The following HIBADH variants were observed in gnomAD, a reference collection of about 807,000 sequenced individuals.
The protein encoded by HIBADH is 3-hydroxyisobutyrate dehydrogenase.
A neutral mutation model predicts 36.1 loss-of-function variants in HIBADH; 25 were observed. The ratio of observed to expected loss-of-function variants is 0.69; its 90% confidence interval spans 0.50 to 0.97. The LOEUF is 0.97. HIBADH is among the 50% of genes least tolerant of loss of function. HIBADH has a pLI of 0.00. For missense variants in HIBADH, 421 were observed against 418.0 expected (o/e 1.01, Z -0.06); for synonymous variants, 160 against 149.5 (o/e 1.07, Z -0.51).
intron 4 of HIBADH, among the ~76,000 whole-genome samples, chr7:27,597,282 C>T (rs1785046923): frequency 6.6e-6 from 1 of 152,002 alleles, no homozygotes; most frequent in African/African-American, 2.4e-5. Flanking sequence ...CTCATGTATA[C>T]CATTGTATTC....
chr7:27,621,585 G>A (rs888517347), intron 4 of HIBADH, among the ~76,000 whole-genome samples: 10 of 151,598 alleles, frequency 6.6e-5, no homozygotes, highest in African/African-American at 1.7e-4. Flanking sequence ...TGAGGTCAGC[G>A]GTTTGAGACC....
intron 7 of HIBADH, among the ~76,000 whole-genome samples, chr7:27,529,823 A>C (rs926758824): frequency 6.6e-6 from 1 of 152,220 alleles, no homozygotes; most frequent in Admixed American, 6.5e-5. Flanking sequence ...GAGTAAATCA[A>C]TGCAGTAAAC....
chr7:27,592,715 C>T (rs903428117), intron 4 of HIBADH, among the ~76,000 whole-genome samples: 2 of 152,200 alleles, frequency 1.3e-5, no homozygotes, highest in Non-Finnish European at 2.9e-5. Flanking sequence ...TCTCACTTGT[C>T]TCCCAGCTTT....
At chr7:27,614,322 C>A (rs2128292411) in intron 4 of HIBADH, among the ~76,000 whole-genome samples, 1 of 152,220 alleles carries the variant, frequency 6.6e-6, no homozygotes, top group East Asian at 1.9e-4. Flanking sequence ...TGCTACCTGA[C>A]TGATAACAAA....
intron 4 of HIBADH, among the ~76,000 whole-genome samples, chr7:27,550,179 G>A (rs769649073): frequency 2.6e-5 from 4 of 152,118 alleles, no homozygotes; most frequent in Non-Finnish European, 5.9e-5. Flanking sequence ...AAAGTGCTGG[G>A]ATTACAGGCA....
chr7:27,625,158 T>A (rs929526506), intron 4 of HIBADH, among the ~76,000 whole-genome samples: 2 of 152,194 alleles, frequency 1.3e-5, no homozygotes, highest in African/African-American at 4.8e-5. Context: ...GGCTGACATT[T>A]AATCTACATT....
At chr7:27,547,815 C>A (rs1784255879) in intron 4 of HIBADH, among the ~76,000 whole-genome samples, 1 of 151,934 alleles carries the variant, frequency 6.6e-6, no homozygotes. Context: ...TATTAATACA[C>A]AAAACTATGG....
intron 4 of HIBADH, among the ~76,000 whole-genome samples, chr7:27,597,393 C>T (rs1785048355): frequency 1.3e-5 from 2 of 151,540 alleles, no homozygotes; most frequent in Admixed American, 6.6e-5. Context: ...CAGGGGAAAA[C>T]GATGATTATT....
intron 4 of HIBADH, among the ~76,000 whole-genome samples, chr7:27,625,000 A>G (rs1254984780): frequency 6.6e-6 from 1 of 152,230 alleles, no homozygotes; most frequent in African/African-American, 2.4e-5. Flanking sequence ...ATCCAAATGT[A>G]TATCACAATA....
At chr7:27,562,556 A>G (rs1374159911) in intron 4 of HIBADH, among the ~76,000 whole-genome samples, 2 of 152,184 alleles carry the variant, frequency 1.3e-5, no homozygotes, top group Admixed American at 6.5e-5. Flanking sequence ...CAGTGGTGCA[A>G]TCATGACTTA....
At chr7:27,561,365 CTTAT>C (rs1235387282) in intron 4 of HIBADH, among the ~76,000 whole-genome samples, 2 of 151,924 alleles carry the variant, frequency 1.3e-5, no homozygotes, top group Non-Finnish European at 2.9e-5. Context: ...TCTTATATGA[CTTAT>C]TTGACTAAAA....
chr7:27,565,437 G>A (rs1246706006), intron 4 of HIBADH, among the ~76,000 whole-genome samples: 2 of 152,106 alleles, frequency 1.3e-5, no homozygotes, highest in Admixed American at 6.5e-5. Flanking sequence ...CACTATACCT[G>A]CTTAATAATA....
intron 4 of HIBADH, among the ~76,000 whole-genome samples, chr7:27,544,104 T>C (rs936223527): frequency 6.6e-6 from 1 of 152,178 alleles, no homozygotes. Context: ...ACAAAGAAAC[T>C]GTAATTGTCT....
intron 4 of HIBADH, among the ~76,000 whole-genome samples, chr7:27,592,675 T>TC (rs1784958565): frequency 6.6e-6 from 1 of 152,154 alleles, no homozygotes; most frequent in Admixed American, 6.5e-5. Flanking sequence ...CAAGCTACCA[T>TC]CCGTGTGTGC....
At chr7:27,637,995 T>C (rs755044879) in intron 2 of HIBADH, among the ~76,000 whole-genome samples, 1 of 152,118 alleles carries the variant, frequency 6.6e-6, no homozygotes, top group East Asian at 1.9e-4. Flanking sequence ...AATGGCCATA[T>C]TGCCCAAAGC....
intron 4 of HIBADH, among the ~76,000 whole-genome samples, chr7:27,616,817 A>G (rs1410257878): frequency 7.0e-6 from 1 of 143,592 alleles, no homozygotes; most frequent in South Asian, 2.2e-4. Flanking sequence ...AAAATTTTTA[A>G]TTAATAGAAA....
chr7:27,621,690 G>C (rs1785545938), intron 4 of HIBADH, among the ~76,000 whole-genome samples: 1 of 152,152 alleles, frequency 6.6e-6, no homozygotes, highest in Non-Finnish European at 1.5e-5. Flanking sequence ...TACTCAGGAG[G>C]CTGAGGCAGA....
At chr7:27,643,252 C>T (rs13242248) in intron 2 of HIBADH, among the ~76,000 whole-genome samples, 115,244 of 152,060 alleles carry the variant, frequency 0.76, 44,099 homozygotes, top group East Asian at 0.94. Context: ...CTACAGTAGC[C>T]TTAACCCATA....
At chr7:27,630,770 T>C (rs779893548) in intron 3 of HIBADH, among the ~76,000 whole-genome samples, 1 of 152,054 alleles carries the variant, frequency 6.6e-6, no homozygotes, top group Non-Finnish European at 1.5e-5. Flanking sequence ...ATATTAAAAA[T>C]TGTTTAAACA....
Sources: allele counts gnomAD v4.1 joint callset (sites outside exome capture counted in the v4.1 genomes callset), GRCh38; gene constraint gnomAD v4.1.1; transcripts MANE v1.5; gene names NCBI Gene and HGNC (gene_info 2026-07-23, HGNC 2026-07-21).